ZPBP: variants seen among roughly 807,000 people sequenced by gnomAD.
ZPBP encodes the protein zona pellucida binding protein.
A neutral mutation model predicts 44.8 loss-of-function variants in ZPBP; 26 were observed. The observed-to-expected ratio is 0.58, with a 90% CI of 0.43 to 0.81. The LOEUF (loss-of-function observed/expected upper bound fraction) is 0.81, where lower values mean the gene tolerates loss of function less well. Among genes scored for constraint, ZPBP ranks in the 30% least tolerant of loss-of-function variants. ZPBP has a pLI of 0.00. For synonymous variants in ZPBP, 174 were observed against 153.2 expected (o/e 1.14, Z -1.00); for missense variants, 409 against 434.0 (o/e 0.94, Z 0.51).
intron 2 of ZPBP, among the ~76,000 whole-genome samples, chr7:49,860,046 T>A (rs1269234809): frequency 6.6e-6 from 1 of 152,162 alleles, no homozygotes; most frequent in Non-Finnish European, 1.5e-5. Context: ...GTTTCATAAT[T>A]TTATCCATAG....
chr7:49,997,921 T>C (rs1480237660), intron 6 of ZPBP, among the ~76,000 whole-genome samples: 1 of 151,928 alleles, frequency 6.6e-6, no homozygotes, highest in Non-Finnish European at 1.5e-5. Context: ...TTTATTTATT[T>C]ATTCATTTAT....
At chr7:50,003,342 T>C (rs913926437) in intron 6 of ZPBP, among the ~76,000 whole-genome samples, 1 of 152,144 alleles carries the variant, frequency 6.6e-6, no homozygotes, top group African/African-American at 2.4e-5. Context: ...AACCTAACTT[T>C]AATGCTTGGC....
intron 1 of ZPBP, among the ~76,000 whole-genome samples, chr7:49,911,408 G>A (rs1242742396): frequency 6.7e-6 from 1 of 149,842 alleles, no homozygotes; most frequent in Non-Finnish European, 1.5e-5. Context: ...CTTGAACCCC[G>A]GAGGCAGAGG....
chr7:49,850,235 C>T (rs1388128839), downstream of ZPBP, among the ~76,000 whole-genome samples: 1 of 150,422 alleles, frequency 6.6e-6, no homozygotes, highest in East Asian at 1.9e-4. Context: ...ACTGTAGTAA[C>T]CTGTCCACTT....
At chr7:50,072,746 T>C (rs1216040477) in intron 3 of ZPBP, among the ~76,000 whole-genome samples, 1 of 152,260 alleles carries the variant, frequency 6.6e-6, no homozygotes, top group Non-Finnish European at 1.5e-5. Flanking sequence ...GTAATACCTC[T>C]GTGAATCTGC....
rs760179385 is a variant in ZPBP at position 49,945,013 on chromosome 7, G to A, written c.962-7391C>T. Among the ~76,000 whole-genome samples the A allele has an allele frequency of 8.5e-5, 13 of 152,088 alleles. No homozygotes were observed. The East Asian group carries it at 1.6e-3, about 18-fold the overall frequency. On this transcript the variant is annotated intron_variant, in intron 7 of 7. Coordinates refer to ENST00000046087, the MANE Select transcript of ZPBP (RefSeq NM_007009.3). ...CAATAAACTTCCCTGTACTGCTTTT[G>A]CTGTATCCCACAGGTTTAGGTACAT... is the stretch of plus-strand genomic sequence containing the variant.
chr7:49,883,584 G>A (rs1185129556), intron 2 of ZPBP, among the ~76,000 whole-genome samples: 1 of 152,136 alleles, frequency 6.6e-6, no homozygotes, highest in East Asian at 1.9e-4. Context: ...GATTGATGAG[G>A]ACATTAGCTC....
chr7:50,053,892 T>C (rs1800807447), intron 4 of ZPBP, among the ~76,000 whole-genome samples: 1 of 152,184 alleles, frequency 6.6e-6, no homozygotes, highest in Non-Finnish European at 1.5e-5. Context: ...TTTTCTTTTC[T>C]TCTTTTTTGC....
intron 4 of ZPBP, among the ~76,000 whole-genome samples, chr7:50,033,019 A>C (rs1408406513): frequency 6.6e-6 from 1 of 152,198 alleles, no homozygotes. Context: ...GTGGGACTGA[A>C]CTGATGTAGG....
intron 5 of ZPBP, among the ~76,000 whole-genome samples, chr7:50,022,924 GGGGA>G (rs1799160447): frequency 6.6e-6 from 1 of 152,082 alleles, no homozygotes; most frequent in Non-Finnish European, 1.5e-5. Context: ...TTGGGCAGTA[GGGGA>G]GGGCTTCCAA....
At chr7:49,904,322 T>C (rs1792960614) in intron 1 of ZPBP, among the ~76,000 whole-genome samples, 1 of 152,230 alleles carries the variant, frequency 6.6e-6, no homozygotes, top group South Asian at 2.1e-4. Flanking sequence ...TCTATAATCA[T>C]GTAAGCTGTA....
rs1361425920 is a variant in ZPBP, at chr7:50,043,239, C to T, written c.488-11929G>A. On this transcript the variant is annotated intron_variant, in intron 4 of 7. Coordinates refer to ENST00000046087, the MANE Select transcript of ZPBP (RefSeq NM_007009.3). ...CTATAGAAACAATGCTTATCACTGGCTTGCTGTCAATAAATACGTGGGTAA... is the reference window on the plus strand; with the variant it reads ...CTATAGAAACAATGCTTATCACTGGTTTGCTGTCAATAAATACGTGGGTAA... 5.3e-5 allele frequency among the ~76,000 whole-genome samples: 8 copies of T among 152,332 alleles called. 1 individual carries two copies. The East Asian group carries it at 1.5e-3, about 29-fold the overall frequency.
At chr7:50,071,566 C>T (rs1253376575) in intron 3 of ZPBP, among the ~76,000 whole-genome samples, 1 of 152,112 alleles carries the variant, frequency 6.6e-6, no homozygotes, top group African/African-American at 2.4e-5. Context: ...CATCACCCCT[C>T]CTCTAACCAT....
intron 3 of ZPBP, among the ~76,000 whole-genome samples, chr7:50,068,385 G>T: frequency 6.6e-6 from 1 of 151,236 alleles, no homozygotes; most frequent in East Asian, 1.9e-4. Context: ...CACAGCAGGT[G>T]CAGGGGGTCT....
chr7:50,021,485 G>GA (rs77073741), intron 5 of ZPBP, among the ~76,000 whole-genome samples: 3 of 149,902 alleles, frequency 2.0e-5, no homozygotes, highest in African/African-American at 7.3e-5. Context: ...AGTCAGAGAA[G>GA]AAAAAAAAAA....
intron 4 of ZPBP, 128 bp downstream of exon 4, chr7:50,057,861 G>A: frequency 1.2e-6 from 1 of 815,900 alleles, no homozygotes; most frequent in Non-Finnish European, 1.9e-6. Flanking sequence ...ACATAGGGAG[G>A]CAGTAATTCT....
intron 6 of ZPBP, among the ~76,000 whole-genome samples, chr7:50,016,946 TAA>T (rs1307052453): frequency 6.6e-6 from 1 of 152,052 alleles, no homozygotes; most frequent in Non-Finnish European, 1.5e-5. Context: ...AGATATGAGA[TAA>T]TATGTGAATT....
intron 2 of ZPBP, among the ~76,000 whole-genome samples, chr7:49,873,922 CA>C (rs1004741809): frequency 3.4e-5 from 5 of 147,922 alleles, no homozygotes; most frequent in African/African-American, 1.0e-4. Context: ...AAAAAAACAA[CA>C]AAAAAAAGAT....
At chr7:49,943,903 CT>C in intron 7 of ZPBP, 1 of 288,962 alleles carries the variant, frequency 3.5e-6, no homozygotes, top group Non-Finnish European at 6.7e-6. Context: ...GACTCATGAT[CT>C]TTTCTAGAAA....
Sources: allele counts gnomAD v4.1 joint callset (sites outside exome capture counted in the v4.1 genomes callset), GRCh38; gene constraint gnomAD v4.1.1; transcripts MANE v1.5; gene names NCBI Gene and HGNC (gene_info 2026-07-23, HGNC 2026-07-21).